The following IGF2BP3 variants were observed in gnomAD, a reference collection of about 807,000 sequenced individuals.
The protein encoded by IGF2BP3 is insulin like growth factor 2 mRNA binding protein 3, also known as insulin-like growth factor 2 mRNA-binding protein 3.
In IGF2BP3, 9 loss-of-function variants were observed where a neutral mutation model predicts 73.8. The observed-to-expected ratio is 0.12, with a 90% confidence interval of 0.07 to 0.21. The LOEUF is 0.21. Among genes scored for constraint, IGF2BP3 ranks in the 10% least tolerant of loss-of-function variants. The probability of loss-of-function intolerance (pLI) is 1.00; values close to 1 mark genes in which losing one functional copy is unlikely to be tolerated. For missense variants in IGF2BP3, 542 were observed against 714.0 expected (o/e 0.76, Z 2.75); for synonymous variants, 258 against 256.7 (o/e 1.01, Z -0.05).
At chr7:23,371,678 A>ATC (rs1785552470) in intron 3 of IGF2BP3, among the ~76,000 whole-genome samples, 1 of 152,232 alleles carries the variant, frequency 6.6e-6, no homozygotes, top group Admixed American at 6.5e-5. Flanking sequence ...CATGCTGCAT[A>ATC]TCCCCTTTAT....
chr7:23,313,454 G>A lies in IGF2BP3; in HGVS notation c.1527+68C>T, dbSNP rs553156118. 2.0e-4 allele frequency: 298 copies of A among 1,526,128 alleles called. 8 individuals carry two copies. In the South Asian group the frequency reaches 3.4e-3, roughly 18 times the overall value. 94.5% of individuals were successfully genotyped at this position (1,526,128 alleles called of 1,614,324 possible). On this transcript the variant is annotated intron_variant, in intron 13 of 14. Transcript: ENST00000258729. ...TAAATTAGCCAAAATTCGGGGACTT[G>A]GAACTCCTAAGTACCTTTCAACGCT...
intron 3 of IGF2BP3, among the ~76,000 whole-genome samples, chr7:23,371,362 C>T (rs1208728441): frequency 6.6e-6 from 1 of 152,162 alleles, no homozygotes; most frequent in African/African-American, 2.4e-5. Flanking sequence ...CAAACAGGAA[C>T]TACTTATCTG....
intron 3 of IGF2BP3, among the ~76,000 whole-genome samples, chr7:23,369,806 C>T (rs1785490543): frequency 6.6e-6 from 1 of 152,058 alleles, no homozygotes; most frequent in Non-Finnish European, 1.5e-5. Context: ...ACCTCCCTCA[C>T]AAAACTGGCT....
At chr7:23,409,488 A>AT (rs1281144994) in intron 3 of IGF2BP3, among the ~76,000 whole-genome samples, 1 of 152,222 alleles carries the variant, frequency 6.6e-6, no homozygotes, top group Non-Finnish European at 1.5e-5. Context: ...ATACTATTCA[A>AT]TTTTAAGACT....
intron 10 of IGF2BP3, among the ~76,000 whole-genome samples, chr7:23,325,277 AACAG>A (rs750480268): frequency 8.5e-5 from 13 of 152,146 alleles, no homozygotes; most frequent in Non-Finnish European, 1.5e-4. Flanking sequence ...ATACATCAAT[AACAG>A]ACAAACAGAG....
At chr7:23,354,541 T>C (rs1785044583) in intron 5 of IGF2BP3, among the ~76,000 whole-genome samples, 1 of 152,210 alleles carries the variant, frequency 6.6e-6, no homozygotes, top group African/African-American at 2.4e-5. Flanking sequence ...ACAGATATCA[T>C]TCTCCCTGGG....
chr7:23,418,440 T>TAAAAAG (rs1787253753), intron 3 of IGF2BP3, among the ~76,000 whole-genome samples: 9 of 152,208 alleles, frequency 5.9e-5, no homozygotes, highest in Non-Finnish European at 1.3e-4. Flanking sequence ...TTTTAAAACT[T>TAAAAAG]TGCCAAGATA....
chr7:23,351,339 T>C lies in IGF2BP3; in HGVS notation c.649A>G (p.Thr217Ala). 6.2e-7 allele frequency: 1 copy of C among 1,613,912 alleles called. No individual in the cohort carries two copies. Among genetic ancestry groups the C allele is most frequent in the Non-Finnish European group, 8.5e-7 (1 of 1,179,900 alleles). ...VGAIIGKEGA[T>A]IRNITKQTQS... Reference sequence around the variant, plus strand: ...GTCTGTTTGGTGATGTTCCGAATGGTGGCACCTTCTTTTCCTATGATGGCT... The same window carrying C: ...GTCTGTTTGGTGATGTTCCGAATGGCGGCACCTTCTTTTCCTATGATGGCT... The change falls in exon 6 of 15, where the codon ACC becomes GCC. Residue 217 changes from threonine (T) to alanine (A), a missense_variant. By Grantham distance (58) the Thr-to-Ala change is moderately conservative. Transcript: ENST00000258729.
intron 3 of IGF2BP3, among the ~76,000 whole-genome samples, chr7:23,363,936 C>A (rs1640383948): frequency 6.6e-6 from 1 of 152,192 alleles, no homozygotes; most frequent in African/African-American, 2.4e-5. Flanking sequence ...ACACATAATT[C>A]CTTAAATTAA....
intron 10 of IGF2BP3, among the ~76,000 whole-genome samples, chr7:23,333,720 A>G (rs1315524073): frequency 6.6e-6 from 1 of 152,242 alleles, no homozygotes; most frequent in Non-Finnish European, 1.5e-5. Context: ...AAATAGAAGC[A>G]GCAGAGTTAG....
chr7:23,349,895 G>A (rs1332594154), intron 6 of IGF2BP3, among the ~76,000 whole-genome samples: 4 of 152,154 alleles, frequency 2.6e-5, no homozygotes, highest in South Asian at 2.1e-4. Context: ...TGCAGGTAAC[G>A]GTGGATCAAG....
At chr7:23,401,212 T>A (rs1352466037) in intron 3 of IGF2BP3, among the ~76,000 whole-genome samples, 3 of 152,170 alleles carry the variant, frequency 2.0e-5, no homozygotes, top group Admixed American at 6.5e-5. Flanking sequence ...TAAGATTCAG[T>A]CACTGTGGCC....
intron 12 of IGF2BP3, among the ~76,000 whole-genome samples, chr7:23,314,609 A>T (rs1473483361): frequency 6.6e-6 from 1 of 151,550 alleles, no homozygotes; most frequent in Admixed American, 6.6e-5. Flanking sequence ...ACCTGGTCAC[A>T]TTTTTTTTGA....
In IGF2BP3 at chr7:23,324,895, T is replaced by C. The variant is rs1784252498; in HGVS notation, c.1204-5641A>G. 2.2e-5 allele frequency among the ~76,000 whole-genome samples: 3 copies of C among 136,578 alleles called. No individual in the cohort carries two copies. The South Asian group carries it at 7.5e-4, about 34-fold the overall frequency. 89.6% of individuals were successfully genotyped at this position (136,578 alleles called of 152,430 possible). ...AACCCTTCATGCTAAAAACTCTCAATAAATTAGGTATTGATGGGACGTATC... is the reference window on the plus strand; with the variant it reads ...AACCCTTCATGCTAAAAACTCTCAACAAATTAGGTATTGATGGGACGTATC... On this transcript the variant is annotated intron_variant, in intron 10 of 14. Coordinates refer to ENST00000258729, the MANE Select transcript of IGF2BP3 (RefSeq NM_006547.3).
chr7:23,411,485 G>A (rs1180120054), intron 3 of IGF2BP3, among the ~76,000 whole-genome samples: 4 of 152,214 alleles, frequency 2.6e-5, no homozygotes, highest in Non-Finnish European at 4.4e-5. Context: ...AGGAGGCTGA[G>A]GCGGAGAATG....
rs201549351 is a variant in IGF2BP3, at chr7:23,460,073, T to TA, written c.236+8408dup. On this transcript the variant is annotated intron_variant, in intron 2 of 14. Transcript: ENST00000258729. ...GCAAGACATCGTCTCTACTAAAAATTAAAAAAAAAATTAGCCAGACGAGGA... is the reference window on the plus strand; with the variant it reads ...GCAAGACATCGTCTCTACTAAAAATTAAAAAAAAAAATTAGCCAGACGAGGA... 5.2e-3 allele frequency among the ~76,000 whole-genome samples: 665 copies of TA among 127,526 alleles called. 5 individuals carry two copies. The highest frequency in any genetic ancestry group is 0.019 in the African/African-American group (626 of 32,998). The allele number at this position is 127,526 out of a possible 152,430, so 83.7% of individuals were successfully genotyped here.
intron 2 of IGF2BP3, among the ~76,000 whole-genome samples, chr7:23,442,283 C>G (rs919570713): frequency 6.6e-6 from 1 of 152,200 alleles, no homozygotes; most frequent in Admixed American, 6.5e-5. Context: ...GGAAATCAAA[C>G]TGCAAACATC....
chr7:23,378,847 C>T (rs1359599277), intron 3 of IGF2BP3, among the ~76,000 whole-genome samples: 19 of 152,100 alleles, frequency 1.2e-4, no homozygotes, highest in Admixed American at 1.2e-3. Flanking sequence ...GCTGGGATTA[C>T]AGGTGTGAGC....
At chr7:23,360,153 A>G (rs1458216968) in intron 5 of IGF2BP3, among the ~76,000 whole-genome samples, 1 of 151,886 alleles carries the variant, frequency 6.6e-6, no homozygotes, top group Admixed American at 6.6e-5. Flanking sequence ...GGAAATTTAA[A>G]CTAGCTCCAG....
Sources: gnomAD v4.1 joint callset for allele counts (sites outside exome capture counted in the v4.1 genomes callset) on GRCh38, gnomAD v4.1.1 for gene constraint, MANE v1.5 for transcripts, NCBI Gene and HGNC (gene_info 2026-07-23, HGNC 2026-07-21) for gene names.